TMCC2: variants seen among roughly 807,000 people sequenced by gnomAD.
TMCC2 encodes the protein transmembrane and coiled-coil domain family 2, also known as transmembrane and coiled-coil domains protein 2.
TMCC2 carries 16 observed loss-of-function variants against 49.4 expected under a neutral mutation model. That is an observed-to-expected ratio of 0.32 (90% CI 0.22 to 0.49). The LOEUF (loss-of-function observed/expected upper bound fraction) is 0.49, where lower values mean the gene tolerates loss of function less well. Ranked by LOEUF, TMCC2 falls within the 20% of genes least tolerant of loss-of-function variation. The pLI is 0.99. For synonymous variants in TMCC2, 397 were observed against 434.1 expected, an observed-to-expected ratio of 0.91 and a Z score of 1.06; for missense variants, 762 against 989.8, an observed-to-expected ratio of 0.77 and a Z score of 3.09.
intron 4 of TMCC2, 122 bp downstream of exon 4, chr1:205,271,377 A>G (rs530029642): frequency 2.6e-6 from 4 of 1,519,794 alleles, no homozygotes; most frequent in East Asian, 2.3e-5. Context: ...GCCGGGGCCG[A>G]TAGGCACATG....
chr1:205,261,289 C>T (rs1013507306), intron 2 of TMCC2, among the ~76,000 whole-genome samples: 2 of 149,896 alleles, frequency 1.3e-5, no homozygotes. Context: ...ACTGCAGCCT[C>T]GAACTCCTGG....
chr1:205,256,277 C>T (rs1189898678), intron 2 of TMCC2: 1 of 1,545,436 alleles, frequency 6.5e-7, no homozygotes, highest in Non-Finnish European at 8.7e-7. Flanking sequence ...TCCAGCAGGC[C>T]CCAGGACTCA....
intron 2 of TMCC2, chr1:205,267,954 G>A: frequency 5.1e-6 from 5 of 985,258 alleles, no homozygotes; most frequent in Non-Finnish European, 6.0e-6. Flanking sequence ...CCAGCAGGGT[G>A]GGGGTGGGGC....
At chr1:205,239,548 A>G (rs1191902059) in intron 1 of TMCC2, among the ~76,000 whole-genome samples, 1 of 152,200 alleles carries the variant, frequency 6.6e-6, no homozygotes, top group Non-Finnish European at 1.5e-5. Context: ...AGAAGGAATC[A>G]TGGTAGCCTT....
intron 2 of TMCC2, among the ~76,000 whole-genome samples, chr1:205,258,476 CA>C (rs1660968025): frequency 6.6e-6 from 1 of 152,086 alleles, no homozygotes; most frequent in African/African-American, 2.4e-5. Flanking sequence ...TCCCAGGCAC[CA>C]ATTAAACCGA....
rs545405452 is a variant in TMCC2, at chr1:205,257,429, A to G, written c.748-11521A>G. 2.4e-5 allele frequency: 29 copies of G among 1,226,630 alleles called. No individual in the cohort carries two copies. In the South Asian group the frequency reaches 5.0e-4, roughly 21 times the overall value. 76.0% of individuals were successfully genotyped at this position (1,226,630 alleles called of 1,614,324 possible). On this transcript the variant is annotated intron_variant, in intron 2 of 4. Coordinates refer to ENST00000358024, the MANE Select transcript of TMCC2 (RefSeq NM_014858.4). Reference sequence around the variant, plus strand: ...GGGCGGGGTGGAGTTGGGGGATGGGAAAAGGCCTGTTCTGCAGTTAGTCAG... The same window carrying G: ...GGGCGGGGTGGAGTTGGGGGATGGGGAAAGGCCTGTTCTGCAGTTAGTCAG...
intron 3 of TMCC2, 51 bp from the exon 4 acceptor site, chr1:205,271,069 A>G (rs373454355): frequency 8.7e-6 from 14 of 1,602,656 alleles, no homozygotes; most frequent in Non-Finnish European, 1.2e-5. Context: ...TGTGGGAGAG[A>G]GTGGAAGCTC....
At chr1:205,257,434 G>T in intron 2 of TMCC2, 1 of 1,223,828 alleles carries the variant, frequency 8.2e-7, no homozygotes, top group Non-Finnish European at 1.0e-6. Context: ...ATGGGAAAAG[G>T]CCTGTTCTGC....
rs1668870 is a variant in TMCC2, at chr1:205,269,903, C to A, written c.1682+19C>A. ...GCTACAGGTAGGTGCCTGCCCACCC[C>A]CTCCTGCAGCCCAGCCGGACGTGGG... On this transcript the variant is annotated intron_variant, in intron 3 of 4. Coordinates refer to ENST00000358024, the MANE Select transcript of TMCC2 (RefSeq NM_014858.4). 12 of 1,598,904 alleles carry A rather than the reference C, an allele frequency of 7.5e-6. No individual in the cohort carries two copies. The highest frequency in any genetic ancestry group is 4.0e-5 in the African/African-American group (3 of 74,764).
chr1:205,245,665 G>A (rs1003580234), intron 2 of TMCC2, among the ~76,000 whole-genome samples: 2 of 152,308 alleles, frequency 1.3e-5, no homozygotes, highest in African/African-American at 2.4e-5. Context: ...TGTGTATGCC[G>A]TGTGCCTGGC....
At chr1:205,229,573 G>C (rs868789202) in intron 1 of TMCC2, 1 of 925,604 alleles carries the variant, frequency 1.1e-6, no homozygotes, top group Non-Finnish European at 1.3e-6. Flanking sequence ...GGCGGGGGCG[G>C]GGGGGGAAGG....
intron 1 of TMCC2, among the ~76,000 whole-genome samples, chr1:205,237,262 A>G (rs1297602694): frequency 6.6e-6 from 1 of 152,112 alleles, no homozygotes; most frequent in East Asian, 1.9e-4. Context: ...GACTTCTTCA[A>G]TCCACTTTGG....
intron 1 of TMCC2, chr1:205,229,555 GGGGT>G: frequency 4.3e-6 from 3 of 696,654 alleles, no homozygotes; most frequent in Non-Finnish European, 5.2e-6. Flanking sequence ...CGGGGGGGGG[GGGGT>G]GGTGGCGGGG....
chr1:205,246,714 A>G (rs780241249), intron 2 of TMCC2: 1 of 1,548,940 alleles, frequency 6.5e-7, no homozygotes, highest in South Asian at 1.2e-5. Context: ...ATACATTTTA[A>G]AAATCAAATT....
At chr1:205,265,904 AAG>A (rs1382459614) in intron 2 of TMCC2, among the ~76,000 whole-genome samples, 1 of 151,552 alleles carries the variant, frequency 6.6e-6, no homozygotes, top group Non-Finnish European at 1.5e-5. Context: ...AAGACAGTGA[AAG>A]AGAGCTGGGC....
At chr1:205,235,215 T>G (rs1267164103) in intron 1 of TMCC2, among the ~76,000 whole-genome samples, 1 of 152,006 alleles carries the variant, frequency 6.6e-6, no homozygotes, top group Non-Finnish European at 1.5e-5. Flanking sequence ...TAGGTAATAT[T>G]CAGAGCAGCC....
intron 2 of TMCC2, among the ~76,000 whole-genome samples, chr1:205,263,812 C>T (rs369538495): frequency 1.4e-4 from 21 of 152,284 alleles, no homozygotes; most frequent in Admixed American, 7.8e-4. Flanking sequence ...CTCTTGCTTC[C>T]TAAAAAGGTG....
At chr1:205,259,292 G>T (rs1316657273) in intron 2 of TMCC2, among the ~76,000 whole-genome samples, 2 of 105,758 alleles carry the variant, frequency 1.9e-5, no homozygotes, top group African/African-American at 7.4e-5. Flanking sequence ...TCAGCCTGCT[G>T]TGGGGACCCT....
At chr1:205,232,075 G>T (rs187529827) in intron 1 of TMCC2, among the ~76,000 whole-genome samples, 1 of 152,214 alleles carries the variant, frequency 6.6e-6, no homozygotes, top group East Asian at 1.9e-4. Context: ...TGGTTTCATG[G>T]GCTCCTATGG....
Sources: gnomAD v4.1 joint callset for allele counts (sites outside exome capture counted in the v4.1 genomes callset) on GRCh38, gnomAD v4.1.1 for gene constraint, MANE v1.5 for transcripts, NCBI Gene and HGNC (gene_info 2026-07-23, HGNC 2026-07-21) for gene names.